The following CADM1 variants were observed in gnomAD, a reference collection of about 807,000 sequenced individuals.
The protein encoded by CADM1 is TSLC-1.
In CADM1, 15 loss-of-function variants were observed where a neutral mutation model predicts 53.1. The observed-to-expected ratio is 0.28, with a 90% CI of 0.19 to 0.44. CADM1 has a LOEUF of 0.44. CADM1 is among the 20% of genes least tolerant of loss of function. The pLI, the probability that CADM1 is intolerant of heterozygous loss-of-function variation, is 1.00. For synonymous variants in CADM1, 281 were observed against 243.0 expected (o/e 1.16, Z -1.45); for missense variants, 434 against 611.3 (o/e 0.71, Z 3.06).
At chr11:115,407,672 T>C (rs991462126) in intron 1 of CADM1, among the ~76,000 whole-genome samples, 6 of 151,804 alleles carry the variant, frequency 4.0e-5, no homozygotes, top group East Asian at 3.9e-4. Flanking sequence ...GGCAGGAAGA[T>C]TGCCTGGGCA....
chr11:115,490,698 A>G (rs955185537), intron 1 of CADM1, among the ~76,000 whole-genome samples: 1 of 151,940 alleles, frequency 6.6e-6, no homozygotes, highest in South Asian at 2.1e-4. Flanking sequence ...ATGCCCGGCC[A>G]GAACAGATGT....
At chr11:115,283,188 G>C (rs1337003084) in intron 1 of CADM1, among the ~76,000 whole-genome samples, 1 of 152,140 alleles carries the variant, frequency 6.6e-6, no homozygotes, top group Non-Finnish European at 1.5e-5. Flanking sequence ...CCCTCATTAG[G>C]AAAACAGTCC....
At chr11:115,399,766 T>C (rs897873293) in intron 1 of CADM1, among the ~76,000 whole-genome samples, 25 of 151,838 alleles carry the variant, frequency 1.6e-4, no homozygotes, top group African/African-American at 5.3e-4. Context: ...TTTGTGATGA[T>C]AAAACATCTT....
At chr11:115,401,748 C>T (rs894015824) in intron 1 of CADM1, among the ~76,000 whole-genome samples, 6 of 152,038 alleles carry the variant, frequency 3.9e-5, no homozygotes, top group Non-Finnish European at 7.4e-5. Flanking sequence ...TTGTTGAAAC[C>T]GACAGAATGG....
intron 5 of CADM1, among the ~76,000 whole-genome samples, chr11:115,222,438 G>A (rs1399172936): frequency 6.6e-6 from 1 of 152,180 alleles, no homozygotes; most frequent in Non-Finnish European, 1.5e-5. Flanking sequence ...TGGGATTGGT[G>A]AATGAACGGA....
At chr11:115,282,065 G>T (rs1386191632) in intron 1 of CADM1, among the ~76,000 whole-genome samples, 2 of 152,076 alleles carry the variant, frequency 1.3e-5, no homozygotes, top group South Asian at 2.1e-4. Flanking sequence ...GATCCTTCCA[G>T]TTCCTTGCTT....
intron 1 of CADM1, among the ~76,000 whole-genome samples, chr11:115,427,355 A>G (rs1266473943): frequency 6.6e-6 from 1 of 152,254 alleles, no homozygotes; most frequent in Non-Finnish European, 1.5e-5. Context: ...GGAACAAGCA[A>G]AATCAGCACG....
At chr11:115,404,065 C>T (rs1947234514) in intron 1 of CADM1, among the ~76,000 whole-genome samples, 1 of 150,690 alleles carries the variant, frequency 6.6e-6, no homozygotes, top group Non-Finnish European at 1.5e-5. Flanking sequence ...GTTGCTCACG[C>T]CTGTAATCCC....
chr11:115,431,376 A>C (rs1221901089), intron 1 of CADM1, among the ~76,000 whole-genome samples: 1 of 152,068 alleles, frequency 6.6e-6, no homozygotes, highest in Non-Finnish European at 1.5e-5. Flanking sequence ...CCTACGCTCA[A>C]ACCCACCACC....
rs893432136 is a variant in CADM1 at position 115,322,222 on chromosome 11, ATTTG to A, written c.125-81806_125-81803del. On this transcript the variant is annotated intron_variant, in intron 1 of 11. Coordinates refer to ENST00000331581, the MANE Select transcript of CADM1 (RefSeq NM_001301043.2). ...CACACTGTAACAAGACCACTCGTGAATTTGTTTGTTCAATCATCCACTCATTCAT... is the reference window on the plus strand; with the variant it reads ...CACACTGTAACAAGACCACTCGTGAATTTGTTCAATCATCCACTCATTCAT... Among the ~76,000 whole-genome samples the A allele has an allele frequency of 1.4e-4, 22 of 152,274 alleles. 1 individual carries two copies. In the South Asian group the frequency reaches 2.1e-3, roughly 14 times the overall value.
chr11:115,216,536 C>T lies in CADM1; in HGVS notation c.821+1356G>A, dbSNP rs572306906. 1.8e-4 allele frequency among the ~76,000 whole-genome samples: 27 copies of T among 152,254 alleles called. 1 individual carries two copies. The South Asian group carries it at 4.6e-3, about 26-fold the overall frequency. On this transcript the variant is annotated intron_variant, in intron 6 of 11. Coordinates refer to ENST00000331581, the MANE Select transcript of CADM1 (RefSeq NM_001301043.2). ...GCTGCTAATTAGGGAATAATTCAAA[C>T]TGTTTACAAAAAGAAAGATCTGAAT...
intron 1 of CADM1, among the ~76,000 whole-genome samples, chr11:115,457,525 A>AG (rs1948705973): frequency 6.6e-6 from 1 of 152,160 alleles, no homozygotes; most frequent in South Asian, 2.1e-4. Context: ...ATTCTGAGTG[A>AG]GGGGTAGGAG....
intron 1 of CADM1, among the ~76,000 whole-genome samples, chr11:115,305,995 T>C (rs2135148081): frequency 6.7e-6 from 1 of 150,150 alleles, no homozygotes; most frequent in Admixed American, 6.7e-5. Context: ...CATTTTCCTA[T>C]ATATCAAACC....
intron 1 of CADM1, among the ~76,000 whole-genome samples, chr11:115,373,250 A>T (rs1448546569): frequency 6.6e-6 from 1 of 152,172 alleles, no homozygotes; most frequent in East Asian, 1.9e-4. Flanking sequence ...GAGTTAAACA[A>T]GAAAAGAATT....
intron 6 of CADM1, among the ~76,000 whole-genome samples, chr11:115,215,978 G>T (rs1941165974): frequency 6.6e-6 from 1 of 152,124 alleles, no homozygotes. Flanking sequence ...ATTACACATG[G>T]GTTTGTCATC....
intron 9 of CADM1, among the ~76,000 whole-genome samples, chr11:115,196,453 C>T (rs11215408): frequency 6.6e-6 from 1 of 152,036 alleles, no homozygotes; most frequent in African/African-American, 2.4e-5. Flanking sequence ...GTCAATATTT[C>T]TTCAAGGATC....
At chr11:115,444,268 A>G (rs574619499) in intron 1 of CADM1, among the ~76,000 whole-genome samples, 27 of 152,260 alleles carry the variant, frequency 1.8e-4, no homozygotes, top group African/African-American at 6.3e-4. Flanking sequence ...AAATATCTCT[A>G]TAAAAACGTA....
chr11:115,176,387 A>G lies in CADM1; in HGVS notation c.*87T>C. 1.2e-6 allele frequency: 2 copies of G among 1,602,186 alleles called. No individual in the cohort carries two copies. The highest frequency in any genetic ancestry group is 1.7e-5 in the Admixed American group (1 of 59,654). Reference sequence around the variant, plus strand: ...TTTCCACCCATTCATAAAAAAACACACGAATTTCTCGCAAGTTCCAATATC... The same window carrying G: ...TTTCCACCCATTCATAAAAAAACACGCGAATTTCTCGCAAGTTCCAATATC... On this transcript the variant is annotated 3_prime_UTR_variant, in exon 12 of 12. Transcript: ENST00000331581.
At chr11:115,192,599 T>A (rs1443097590) in intron 9 of CADM1, among the ~76,000 whole-genome samples, 1 of 152,222 alleles carries the variant, frequency 6.6e-6, no homozygotes, top group African/African-American at 2.4e-5. Flanking sequence ...AGAAGGCTAA[T>A]CTCTCACTTC....
Sources: gnomAD v4.1 joint callset for allele counts (sites outside exome capture counted in the v4.1 genomes callset) on GRCh38, gnomAD v4.1.1 for gene constraint, MANE v1.5 for transcripts, NCBI Gene and HGNC (gene_info 2026-07-23, HGNC 2026-07-21) for gene names.